Variants in NXN observed in about 807,000 individuals in gnomAD.
NXN encodes nucleoredoxin, also known as nucleoredoxin 1.
NXN carries 16 observed loss-of-function variants against 48.6 expected under a neutral mutation model. That is an observed-to-expected ratio of 0.33 (90% CI 0.22 to 0.50). The LOEUF (loss-of-function observed/expected upper bound fraction) is 0.50. Among genes scored for constraint, NXN ranks in the 20% least tolerant of loss-of-function variants. NXN has a pLI of 0.98. For missense variants in NXN, 492 were observed against 605.5 expected, an observed-to-expected ratio of 0.81 and a Z score of 1.97; for synonymous variants, 281 against 269.6, an observed-to-expected ratio of 1.04 and a Z score of -0.41.
At chr17:819,735 C>T (rs1010725938) in intron 4 of NXN, among the ~76,000 whole-genome samples, 190 bp from the exon 5 acceptor site, 1 of 152,158 alleles carries the variant, frequency 6.6e-6, no homozygotes, top group Non-Finnish European at 1.5e-5. Flanking sequence ...GAAGCAAATG[C>T]CTCCACACAG....
intron 1 of NXN, among the ~76,000 whole-genome samples, chr17:928,865 G>A (rs977375542): frequency 5.9e-5 from 9 of 152,044 alleles, no homozygotes; most frequent in Admixed American, 5.2e-4. Context: ...AAAAGATACT[G>A]GAGAATACCG....
rs549973683 is a variant in NXN at position 904,664 on chromosome 17, C to G, written c.360+74655G>C. 6.6e-4 allele frequency among the ~76,000 whole-genome samples: 101 copies of G among 152,284 alleles called. No individual in the cohort carries two copies. The South Asian group carries it at 0.02, about 30-fold the overall frequency. On this transcript the variant is annotated intron_variant, in intron 1 of 7. Coordinates refer to ENST00000336868, the MANE Select transcript of NXN (RefSeq NM_022463.5). ...GTTCAAGCGATTCTCCTGCCTCAGT[C>G]TCCTGAGTAGCTGGGATTACAGGCG... is the stretch of plus-strand genomic sequence containing the variant.
At chr17:942,278 A>T (rs1402722807) in intron 1 of NXN, among the ~76,000 whole-genome samples, 61 of 106,018 alleles carry the variant, frequency 5.8e-4, no homozygotes, top group East Asian at 1.2e-3. Context: ...TACAGTGAAC[A>T]AGATTCCAGG....
At chr17:812,639 T>C (rs581726) in intron 5 of NXN, among the ~76,000 whole-genome samples, 62,421 of 151,002 alleles carry the variant, frequency 0.41, 12,967 homozygotes, top group East Asian at 0.53. Context: ...TAGGTGTGTG[T>C]GAGTGTGCAT....
At chr17:862,178 A>G (rs1329513133) in intron 1 of NXN, among the ~76,000 whole-genome samples, 1 of 151,936 alleles carries the variant, frequency 6.6e-6, no homozygotes, top group Non-Finnish European at 1.5e-5. Context: ...ATGTAGAAGG[A>G]GTGACAATTT....
intron 1 of NXN, among the ~76,000 whole-genome samples, chr17:906,387 T>C (rs2068581329): frequency 6.6e-6 from 1 of 152,170 alleles, no homozygotes; most frequent in Non-Finnish European, 1.5e-5. Context: ...AAAATGTCTG[T>C]AGTTCCCACC....
chr17:922,133 G>A (rs943967227), intron 1 of NXN, among the ~76,000 whole-genome samples: 1 of 152,150 alleles, frequency 6.6e-6, no homozygotes, highest in African/African-American at 2.4e-5. Context: ...CCTGTATTCA[G>A]GGATATGACT....
chr17:842,894 G>C (rs947441756), intron 1 of NXN, among the ~76,000 whole-genome samples: 1 of 151,882 alleles, frequency 6.6e-6, no homozygotes, highest in South Asian at 2.1e-4. Flanking sequence ...AGCCGAGATC[G>C]CGCCATTGCA....
chr17:883,898 C>T (rs1485660555), intron 1 of NXN, among the ~76,000 whole-genome samples: 2 of 152,142 alleles, frequency 1.3e-5, no homozygotes, highest in East Asian at 3.9e-4. Context: ...ACATATGCAG[C>T]CCCCATCTCT....
At chr17:813,212 A>G (rs959424472) in intron 5 of NXN, among the ~76,000 whole-genome samples, 1 of 152,256 alleles carries the variant, frequency 6.6e-6, no homozygotes, top group African/African-American at 2.4e-5. Flanking sequence ...GTTCCTTCAG[A>G]GGTATTTCGG....
rs916600007 is a variant in NXN at position 932,449 on chromosome 17, T to C, written c.360+46870A>G. The stretch of plus-strand genomic sequence containing the variant: ...CCAGTCCTTCTGGTTATTCATCAGT[T>C]TGGAAACCGCAGGTCTTCAGCAAAA... On this transcript the variant is annotated intron_variant, in intron 1 of 7. Coordinates refer to ENST00000336868, the MANE Select transcript of NXN (RefSeq NM_022463.5). This position sits in a 1 kb window ranked among gnomAD's most constrained non-coding sequence, Gnocchi z 4.1. Among the ~76,000 whole-genome samples the C allele has an allele frequency of 1.3e-5, 2 of 152,140 alleles. No homozygotes were observed. The highest frequency in any genetic ancestry group is 4.8e-5 in the African/African-American group (2 of 41,448).
intron 5 of NXN, among the ~76,000 whole-genome samples, chr17:817,513 C>T (rs546090167): frequency 6.6e-6 from 1 of 151,944 alleles, no homozygotes; most frequent in South Asian, 2.1e-4. Flanking sequence ...ACTAAAAATA[C>T]AAAAAATTTA....
At chr17:873,872 G>T (rs1408333725) in intron 1 of NXN, among the ~76,000 whole-genome samples, 2 of 152,138 alleles carry the variant, frequency 1.3e-5, no homozygotes, top group Non-Finnish European at 2.9e-5. Context: ...AAACACACGG[G>T]TTCTGGTGAG....
chr17:808,572 G>C (rs1157179269), intron 5 of NXN, among the ~76,000 whole-genome samples: 1 of 152,058 alleles, frequency 6.6e-6, no homozygotes, highest in Non-Finnish European at 1.5e-5. Flanking sequence ...TGAGATAACA[G>C]GTGTGAACCA....
intron 5 of NXN, among the ~76,000 whole-genome samples, chr17:809,946 T>G (rs1911830760): frequency 7.4e-6 from 1 of 134,774 alleles, no homozygotes; most frequent in African/African-American, 2.7e-5. Flanking sequence ...GCGTGTACGT[T>G]ACGAGTCTGT....
Position 919,425 on chromosome 17 carries a change from T to C in NXN, c.360+59894A>G, listed in dbSNP as rs868371917. On this transcript the variant is annotated intron_variant, in intron 1 of 7. Transcript: ENST00000336868. This position sits in a 1 kb window ranked among gnomAD's most constrained non-coding sequence, Gnocchi z 5.1. ...AATTAAACAGCTTTTATTACAATACTCTGTCAATGCAGGGCAATCATTCCT... is the reference window on the plus strand; with the variant it reads ...AATTAAACAGCTTTTATTACAATACCCTGTCAATGCAGGGCAATCATTCCT... Among the ~76,000 whole-genome samples the C allele has an allele frequency of 5.9e-5, 9 of 152,122 alleles. No homozygotes were observed. The highest frequency in any genetic ancestry group is 7.3e-5 in the Non-Finnish European group (5 of 68,038).
At chr17:953,383 C>A (rs1480368047) in intron 1 of NXN, among the ~76,000 whole-genome samples, 1 of 152,108 alleles carries the variant, frequency 6.6e-6, no homozygotes, top group Non-Finnish European at 1.5e-5. Context: ...CCACTGCACT[C>A]CAGCCTGGGA....
chr17:884,247 T>TAAATAAATAAATAAATAAATA (rs112696538), intron 1 of NXN, among the ~76,000 whole-genome samples: 3 of 149,248 alleles, frequency 2.0e-5, no homozygotes, highest in African/African-American at 7.5e-5. Flanking sequence ...AATAAATAAA[T>TAAATAAATAAATAAATAAATA]AATAAAACGA....
chr17:953,435 C>A (rs999076201), intron 1 of NXN, among the ~76,000 whole-genome samples: 1 of 151,980 alleles, frequency 6.6e-6, no homozygotes, highest in Admixed American at 6.6e-5. Context: ...AAGACTATGA[C>A]CCCCCTCCCA....
Sources: allele counts gnomAD v4.1 joint callset (sites outside exome capture counted in the v4.1 genomes callset), GRCh38; gene constraint gnomAD v4.1.1; non-coding constraint Gnocchi (gnomAD v3.1); transcripts MANE v1.5; gene names NCBI Gene and HGNC (gene_info 2026-07-23, HGNC 2026-07-21).